RBM5: variants seen among roughly 807,000 people sequenced by gnomAD.
The protein encoded by RBM5 is RNA binding motif protein 5.
Under a neutral mutation model 124.6 loss-of-function variants are expected in RBM5, and 15 were observed. The observed-to-expected ratio is 0.12, with a 90% CI of 0.08 to 0.19. The LOEUF is 0.19. Ranked by LOEUF, RBM5 falls within the 10% of genes least tolerant of loss-of-function variation. The pLI is 1.00. For missense variants in RBM5, 580 were observed against 1,026.5 expected, an observed-to-expected ratio of 0.57 and a Z score of 5.94; for synonymous variants, 337 against 361.2, an observed-to-expected ratio of 0.93 and a Z score of 0.76.
intron 2 of RBM5, 41 bp downstream of exon 2, chr3:50,090,492 G>T: frequency 6.2e-7 from 1 of 1,609,500 alleles, no homozygotes; most frequent in Non-Finnish European, 8.5e-7. Context: ...CAACATTTCA[G>T]TGGGGACTGA....
Position 50,110,400 on chromosome 3 carries a change from A to C in RBM5, c.1300A>C (p.Thr434Pro). The change falls in exon 16 of 25, where the codon ACT becomes CCT. Residue 434 changes from threonine to proline, a missense_variant. Physicochemically the swap from Thr to Pro is conservative, Grantham distance 38 (BLOSUM62 -1). This residue lies in a region of RBM5 where 104 missense variants were observed against 128.7 expected (regional missense o/e 0.81). Transcript: ENST00000347869. The part of the protein sequence containing the change: ...GSPTEEAQPS[T>P]STSTQAPAAS... ...CCAGACTGAGGAAGCACAGCCTAGC[A>C]CTAGCACAAGTACACAGGCCCCAGC... The C allele has an allele frequency of 6.2e-7, 1 of 1,614,186 alleles. No individual in the cohort carries two copies. The highest frequency in any genetic ancestry group is 8.5e-7 in the Non-Finnish European group (1 of 1,180,024).
intron 3 of RBM5, among the ~76,000 whole-genome samples, chr3:50,092,451 C>CTT (rs1329429421): frequency 2.0e-5 from 3 of 151,534 alleles, no homozygotes; most frequent in Admixed American, 6.6e-5. Flanking sequence ...ATCCCAGCTA[C>CTT]TTGGGAGACT....
At chr3:50,111,125 A>G (rs1056184685) in intron 17 of RBM5, among the ~76,000 whole-genome samples, 8 of 152,256 alleles carry the variant, frequency 5.3e-5, no homozygotes, top group African/African-American at 1.7e-4. Flanking sequence ...TATGTCTTCA[A>G]TAACCACTAT....
rs151182806 is a variant in RBM5 at position 50,110,421 on chromosome 3, C to G, written c.1321C>G (p.Pro441Ala). 1.2e-6 allele frequency: 2 copies of G among 1,614,044 alleles called. No homozygotes were observed. The highest frequency in any genetic ancestry group is 1.7e-6 in the Non-Finnish European group (2 of 1,180,022). ...QPSTSTSTQA[P>A]AASPTGVVPG... ...TAGCACTAGCACAAGTACACAGGCC[C>G]CAGCCGCTTCCCCTACTGGTGTAGT... The change falls in exon 16 of 25, where the codon CCA (proline) becomes GCA (alanine). Residue 441 changes from proline (P) to alanine (A), a missense_variant. Pro to Ala is a conservative substitution (Grantham distance 27). Transcript: ENST00000347869.
At chr3:50,102,966 C>A in intron 6 of RBM5, 117 bp from the exon 7 acceptor site, 3 of 796,432 alleles carry the variant, frequency 3.8e-6, no homozygotes. Flanking sequence ...GGTTGGTCCT[C>A]CCCGTATGTT....
At chr3:50,107,254 C>T in intron 11 of RBM5, among the ~76,000 whole-genome samples, 1 of 152,064 alleles carries the variant, frequency 6.6e-6, no homozygotes, top group Admixed American at 6.6e-5. Context: ...TATCATTGCA[C>T]ATTCAAAAAA....
Position 50,109,600 on chromosome 3 carries a change from C to G in RBM5, c.1193-3C>G. On this transcript the variant is annotated splice_region_variant and splice_polypyrimidine_tract_variant and intron_variant, in intron 14 of 24. Transcript: ENST00000347869. ...TTTCCCTAACACTTGTGTTTATCATCAGGCACAGCAGTGACCACCACCTCA... is the reference window on the plus strand; with the variant it reads ...TTTCCCTAACACTTGTGTTTATCATGAGGCACAGCAGTGACCACCACCTCA... 1 of 1,613,302 alleles carries G rather than the reference C, an allele frequency of 6.2e-7. No individual in the cohort carries two copies. Among genetic ancestry groups the G allele is most frequent in the Non-Finnish European group, 8.5e-7 (1 of 1,179,284 alleles).
At chr3:50,106,892 A>G (rs376120520) in intron 11 of RBM5, 28 bp downstream of exon 11, 5 of 1,506,404 alleles carry the variant, frequency 3.3e-6, no homozygotes, top group Non-Finnish European at 1.8e-6. Flanking sequence ...CCTTATTTCA[A>G]ACTACTGCAT....
Position 50,093,800 on chromosome 3 carries a change from G to A in RBM5, c.264G>A (p.Arg88=), listed in dbSNP as rs779433688. 6.2e-7 allele frequency: 1 copy of A among 1,614,054 alleles called. No homozygotes were observed. The highest frequency in any genetic ancestry group is 8.5e-7 in the Non-Finnish European group (1 of 1,179,946). ...GTGACTATGGTGAGCACGACTATAG[G>A]CATGACATCAGTGACGAGAGGGAGA... is the stretch of plus-strand genomic sequence containing the variant. The part of the protein sequence containing the change: ...SDGDYGEHDY[R]HDISDERESK... Residue 88 remains arginine (R), a synonymous_variant, in exon 4 of 25, where the codon AGG becomes AGA. Coordinates refer to ENST00000347869, the MANE Select transcript of RBM5 (RefSeq NM_005778.4).
chr3:50,107,445 G>A (rs774631144), intron 11 of RBM5, 37 bp from the exon 12 acceptor site: 3 of 1,498,266 alleles, frequency 2.0e-6, no homozygotes, highest in Non-Finnish European at 2.8e-6. Context: ...TGGGAATACT[G>A]TGATAGAATC....
chr3:50,109,174 C>T (rs1240670088), intron 14 of RBM5, among the ~76,000 whole-genome samples: 3 of 152,068 alleles, frequency 2.0e-5, no homozygotes, highest in Admixed American at 6.6e-5. Context: ...CCCAGGTTCA[C>T]GCCATTCTCC....
Position 50,106,118 on chromosome 3 carries a change from A to ATTTTTT in RBM5, c.855+438_855+443dup, listed in dbSNP as rs61297967. Among the ~76,000 whole-genome samples, 56 of 32,756 alleles carry ATTTTTT rather than the reference A, an allele frequency of 1.7e-3. 9 individuals are homozygous for ATTTTTT. Among genetic ancestry groups the ATTTTTT allele is most frequent in the Non-Finnish European group, 1.8e-3 (31 of 16,782 alleles). The allele number at this position is 32,756 out of a possible 152,430, so 21.5% of individuals were successfully genotyped here. A position where few individuals can be genotyped will look rare whatever the true frequency, so the allele number is the denominator to read the frequency against. ...CAGGTGCCCGCCACCACGCCCAGCT[A>ATTTTTT]TTTTTTTTTTTTTTTTTTTTTTTTT... On this transcript the variant is annotated intron_variant, in intron 10 of 24. Coordinates refer to ENST00000347869, the MANE Select transcript of RBM5 (RefSeq NM_005778.4).
chr3:50,107,987 C>A, intron 12 of RBM5, 83 bp from the exon 13 acceptor site: 1 of 1,200,108 alleles, frequency 8.3e-7, no homozygotes, highest in Non-Finnish European at 1.2e-6. Context: ...CGCCCAGCAT[C>A]ATGAGCTCAT....
Position 50,092,063 on chromosome 3 carries a change from G to C in RBM5, c.38G>C (p.Ser13Thr). The stretch of plus-strand genomic sequence containing the variant: ...GGCAGAGTGAGTAGAACAGAGCGTA[G>C]TGGAAGATACGGTTCCATCATAGAC... ...SDKRVSRTER[S>T]GRYGSIIDRD... The change falls in exon 3 of 25, where the codon AGT becomes ACT. Residue 13 changes from serine (S) to threonine (T), a missense_variant. By Grantham distance (58) the Ser-to-Thr change is moderately conservative (BLOSUM62 1). This residue lies in a region of RBM5 where 99 missense variants were observed against 121.1 expected (regional missense o/e 0.82). Transcript: ENST00000347869. 1 of 1,614,134 alleles carries C rather than the reference G, an allele frequency of 6.2e-7. No individual in the cohort carries two copies. The highest frequency in any genetic ancestry group is 8.5e-7 in the Non-Finnish European group (1 of 1,180,016).
rs754854680 is a variant in RBM5 at position 50,105,541 on chromosome 3, A to G, written c.695-8A>G. ...CATGTGTATGTCATTTGTCTCATTT[A>G]CCCCTAGCGATCATTCTTCGGAACA... On this transcript the variant is annotated splice_region_variant and splice_polypyrimidine_tract_variant and intron_variant, in intron 9 of 24. Coordinates refer to ENST00000347869, the MANE Select transcript of RBM5 (RefSeq NM_005778.4). The G allele has an allele frequency of 6.2e-7, 1 of 1,611,822 alleles. No homozygotes were observed. The highest frequency in any genetic ancestry group is 2.2e-5 in the East Asian group (1 of 44,846).
chr3:50,108,095 T>C lies in RBM5; in HGVS notation c.1067T>C (p.Val356Ala). The C allele has an allele frequency of 2.5e-6, 4 of 1,611,004 alleles. No homozygotes were observed. Among genetic ancestry groups the C allele is most frequent in the Non-Finnish European group, 1.7e-6 (2 of 1,177,156 alleles). ...TQSQSGEGGS[V>A]DYSYLQPGQD... ...TCTCAAAGTGGTGAAGGAGGCAGTG[T>C]TGACTACAGTTATCTGCAACCAGGT... is the stretch of plus-strand genomic sequence containing the variant. Residue 356 changes from valine (V) to alanine (A), a missense_variant, in exon 13 of 25, where the codon GTT becomes GCT. Transcript: ENST00000347869.
chr3:50,117,387 G>A lies in RBM5; in HGVS notation c.2322+8G>A, dbSNP rs2091273154. 1 of 1,613,470 alleles carries A rather than the reference G, an allele frequency of 6.2e-7. No homozygotes were observed. The highest frequency in any genetic ancestry group is 1.3e-5 in the African/African-American group (1 of 74,926). On this transcript the variant is annotated splice_region_variant and intron_variant, in intron 24 of 24. Transcript: ENST00000347869. This position sits in a 1 kb window ranked among gnomAD's most constrained non-coding sequence, Gnocchi z 4.2. Reference sequence around the variant, plus strand: ...ATTACGGCTCCCATTGAGGTAAGCAGTGGGGTCAGGTCTTGATGTTTGCCA... The same window carrying A: ...ATTACGGCTCCCATTGAGGTAAGCAATGGGGTCAGGTCTTGATGTTTGCCA...
intron 9 of RBM5, 150 bp from the exon 10 acceptor site, chr3:50,105,399 C>A: frequency 1.1e-6 from 1 of 919,774 alleles, no homozygotes; most frequent in Non-Finnish European, 1.6e-6. Flanking sequence ...CCTTAAAAGA[C>A]AGGATTTTTA....
In RBM5 at chr3:50,100,190, C is replaced by T; in HGVS notation, c.409+139C>T. 1.3e-6 allele frequency: 1 copy of T among 796,586 alleles called. No homozygotes were observed. The highest frequency in any genetic ancestry group is 2.0e-6 in the Non-Finnish European group (1 of 512,074). The allele number at this position is 796,586 out of a possible 1,614,324, so 49.3% of individuals were successfully genotyped here. On this transcript the variant is annotated intron_variant, in intron 5 of 24. Coordinates refer to ENST00000347869, the MANE Select transcript of RBM5 (RefSeq NM_005778.4). The surrounding 1 kb of genome is among the most constrained non-coding windows in gnomAD (Gnocchi z 5.1). ...TTTGCCATGGCTAAGGAATGTGACT[C>T]TTTGAAAACCATGTTAGCATCTGAG...
Sources: gnomAD v4.1 joint callset for allele counts (sites outside exome capture counted in the v4.1 genomes callset) on GRCh38, gnomAD v4.1.1 for gene constraint, gnomAD v4.1.1 regional missense constraint, Gnocchi (gnomAD v3.1) non-coding constraint, MANE v1.5 for transcripts, NCBI Gene and HGNC (gene_info 2026-07-23, HGNC 2026-07-21) for gene names.